The following OPRK1 variants were observed in gnomAD, a reference collection of about 807,000 sequenced individuals.
OPRK1 encodes kappa-type opioid receptor.
In OPRK1, 15 loss-of-function variants were observed where a neutral mutation model predicts 24.5. That is an observed-to-expected ratio of 0.61 (90% CI 0.41 to 0.94). OPRK1 has a LOEUF of 0.94. Ranked by LOEUF, OPRK1 falls within the 40% of genes least tolerant of loss-of-function variation. The pLI, the probability that OPRK1 is intolerant of heterozygous loss-of-function variation, is 0.00. For synonymous variants in OPRK1, 205 were observed against 198.0 expected, an observed-to-expected ratio of 1.04 and a Z score of -0.30; for missense variants, 479 against 507.3, an observed-to-expected ratio of 0.94 and a Z score of 0.54.
At position 53,250,069 on chromosome 8, in the gene OPRK1, CCACACACA is replaced by C. The variant is rs369426050; in HGVS notation, c.257+704_257+711del. Among the ~76,000 whole-genome samples the C allele has an allele frequency of 6.0e-3, 788 of 130,496 alleles. 8 individuals are homozygous for C. The highest frequency in any genetic ancestry group is 0.02 in the African/African-American group (753 of 37,972). 85.6% of individuals were successfully genotyped at this position (130,496 alleles called of 152,430 possible). ...ATTGGAAGTTGACTTGAAGAAATTT[CCACACACA>C]CACACACACACACACACACACACAA... On this transcript the variant is annotated intron_variant, in intron 2 of 3. Coordinates refer to ENST00000265572, the MANE Select transcript of OPRK1 (RefSeq NM_000912.5).
At chr8:53,247,413 A>T (rs1807257778) in intron 2 of OPRK1, among the ~76,000 whole-genome samples, 1 of 152,202 alleles carries the variant, frequency 6.6e-6, no homozygotes, top group Non-Finnish European at 1.5e-5. Context: ...TGGTAATGAT[A>T]TACCTATAGT....
intron 2 of OPRK1, among the ~76,000 whole-genome samples, chr8:53,249,567 C>T (rs185905736): frequency 3.9e-5 from 6 of 152,044 alleles, no homozygotes; most frequent in African/African-American, 7.2e-5. Context: ...ATGTGTTTGG[C>T]GACTTAAATG....
intron 2 of OPRK1, among the ~76,000 whole-genome samples, chr8:53,238,968 A>G (rs954070200): frequency 1.3e-5 from 2 of 152,186 alleles, no homozygotes; most frequent in Admixed American, 6.5e-5. Context: ...TGTTTTTTAA[A>G]TTTCAATGAT....
rs60954107 is a variant in OPRK1, at chr8:53,227,257, CAA to C, written c.*2038_*2039del. Reference sequence around the variant, plus strand: ...TGGGCAACAGAGCGAGACTCCGTCTCAAAAAAAAAAAAAAAAAAAAAGAAGAC... The same window carrying C: ...TGGGCAACAGAGCGAGACTCCGTCTCAAAAAAAAAAAAAAAAAAAGAAGAC... On this transcript the variant is annotated 3_prime_UTR_variant, in exon 4 of 4. Coordinates refer to ENST00000265572, the MANE Select transcript of OPRK1 (RefSeq NM_000912.5). 7.6e-3 allele frequency: 629 copies of C among 82,658 alleles called. 5 individuals carry two copies. Among genetic ancestry groups the C allele is most frequent in the African/African-American group, 0.018 (563 of 30,518 alleles). The allele number at this position is 82,658 out of a possible 1,614,324, so 5.1% of individuals were successfully genotyped here. A position where few individuals can be genotyped will look rare whatever the true frequency, so the allele number is the denominator to read the frequency against.
chr8:53,237,721 C>A (rs1315339287), intron 2 of OPRK1, among the ~76,000 whole-genome samples: 1 of 152,218 alleles, frequency 6.6e-6, no homozygotes, highest in Non-Finnish European at 1.5e-5. Context: ...CTCCCCAGCA[C>A]TTTGTAATTT....
At chr8:53,238,956 T>C (rs1234355635) in intron 2 of OPRK1, among the ~76,000 whole-genome samples, 3 of 152,236 alleles carry the variant, frequency 2.0e-5, no homozygotes, top group African/African-American at 7.2e-5. Context: ...AGGTTTGTTT[T>C]CTGTTTTTTA....
intron 1 of OPRK1, 120 bp downstream of exon 1, chr8:53,251,328 T>G: frequency 2.1e-6 from 1 of 465,188 alleles, no homozygotes; most frequent in Non-Finnish European, 3.8e-6. Flanking sequence ...TCACCAATTC[T>G]AGGCACCGGC....
rs375007927 is a variant in OPRK1 at position 53,234,440 on chromosome 8, G to T, written c.610+319C>A. Among the ~76,000 whole-genome samples, 27 of 152,256 alleles carry T rather than the reference G, an allele frequency of 1.8e-4. No individual in the cohort carries two copies. The East Asian group carries it at 4.1e-3, about 23-fold the overall frequency. On this transcript the variant is annotated intron_variant, in intron 3 of 3. Transcript: ENST00000265572. ...GAGTGAGAAGGTGTGTCCTGGACTT[G>T]CCAGGTTGTACTTTAAAATTCCACA...
At chr8:53,236,162 A>G (rs559844732) in intron 2 of OPRK1, among the ~76,000 whole-genome samples, 2 of 152,330 alleles carry the variant, frequency 1.3e-5, no homozygotes, top group South Asian at 4.1e-4. Flanking sequence ...TGAACATTTC[A>G]TGATAGAACA....
chr8:53,234,920 G>A lies in OPRK1; in HGVS notation c.449C>T (p.Thr150Ile). The change falls in exon 3 of 4, where the codon ACC becomes ATC. Residue 150 changes from threonine to isoleucine, a missense_variant. Coordinates refer to ENST00000265572, the MANE Select transcript of OPRK1 (RefSeq NM_000912.5). ...AATGTAGCGGTCCACGCTCATCATG[G>A]TCAAGGTGAAGATGCTGGTGAACAT... ...YNMFTSIFTL[T>I]MMSVDRYIAV... The A allele has an allele frequency of 6.2e-7, 1 of 1,614,204 alleles. No individual in the cohort carries two copies. The highest frequency in any genetic ancestry group is 8.5e-7 in the Non-Finnish European group (1 of 1,180,052).
rs764812413 is a variant in OPRK1 at position 53,229,572 on chromosome 8, T to C, written c.868A>G (p.Ile290Val). Residue 290 changes from isoleucine (I) to valine (V), a missense_variant, in exon 4 of 4, where the codon ATT becomes GTT. By Grantham distance (29) the Ile-to-Val change is conservative. Transcript: ENST00000265572. ...GCCTCCACCAGGATGAATATGTGAA[T>C]GGGAGTCCAGCAGACGACGAAGACT... ...VAVFVVCWTP[I>V]HIFILVEALG... 12 of 1,613,980 alleles carry C rather than the reference T, an allele frequency of 7.4e-6. No homozygotes were observed. In the East Asian group the frequency reaches 2.5e-4, roughly 33 times the overall value.
intron 2 of OPRK1, chr8:53,238,741 A>G (rs936307578): frequency 1.1e-4 from 107 of 984,464 alleles, no homozygotes; most frequent in Non-Finnish European, 1.3e-4. Flanking sequence ...GTCAGGAACC[A>G]GTGTCACCAG....
intron 2 of OPRK1, chr8:53,242,948 T>C: frequency 7.8e-7 from 1 of 1,286,160 alleles, no homozygotes; most frequent in Non-Finnish European, 1.0e-6. Context: ...TGTTAAGCCA[T>C]TTATAGTATT....
In OPRK1 at chr8:53,250,828, G is replaced by A. The variant is rs1030281216; in HGVS notation, c.210C>T (p.Phe70=). The A allele has an allele frequency of 2.5e-6, 4 of 1,611,620 alleles. No individual in the cohort carries two copies. Among genetic ancestry groups the A allele is most frequent in the South Asian group, 1.1e-5 (1 of 90,778 alleles). Residue 70 remains phenylalanine, a synonymous_variant, in exon 2 of 4, where the codon TTC becomes TTT. Coordinates refer to ENST00000265572, the MANE Select transcript of OPRK1 (RefSeq NM_000912.5). ...GCGAGTTGCCCACCAAGCCCACGAC[G>A]AACACTACGGAGTAGACCGCCGTGA... is the stretch of plus-strand genomic sequence containing the variant. ...VIITAVYSVV[F]VVGLVGNSLV...
chr8:53,229,374 T>C lies in OPRK1; in HGVS notation c.1066A>G (p.Ser356Gly). The part of the protein sequence containing the change: ...FPLKMRMERQ[S>G]TSRVRNTVQD... ...ACTGTATTTCGGACTCTGCTAGTGC[T>C]CTGCCGCTCCATCCTCATCTTCAGT... Residue 356 changes from serine (S) to glycine (G), a missense_variant, in exon 4 of 4, where the codon AGC becomes GGC. By Grantham distance (56) the Ser-to-Gly change is moderately conservative. Transcript: ENST00000265572. 1 of 1,614,198 alleles carries C rather than the reference T, an allele frequency of 6.2e-7. No individual in the cohort carries two copies. The highest frequency in any genetic ancestry group is 8.5e-7 in the Non-Finnish European group (1 of 1,180,046).
chr8:53,235,739 A>G (rs1434666391), intron 2 of OPRK1, among the ~76,000 whole-genome samples: 1 of 152,220 alleles, frequency 6.6e-6, no homozygotes, highest in Non-Finnish European at 1.5e-5. Flanking sequence ...TAAGCATAGT[A>G]TGGTACAGCA....
chr8:53,235,639 T>C (rs1360241142), intron 2 of OPRK1, among the ~76,000 whole-genome samples: 2 of 152,232 alleles, frequency 1.3e-5, no homozygotes, highest in African/African-American at 4.8e-5. Flanking sequence ...GGTTTGCTGA[T>C]TTTTGTTCTC....
intron 1 of OPRK1, 118 bp downstream of exon 1, chr8:53,251,330 G>C (rs1807394385): frequency 6.3e-6 from 3 of 473,358 alleles, no homozygotes; most frequent in Admixed American, 4.2e-5. Context: ...ACCAATTCTA[G>C]GCACCGGCCC....
At chr8:53,247,174 A>G (rs903392392) in intron 2 of OPRK1, among the ~76,000 whole-genome samples, 3 of 152,182 alleles carry the variant, frequency 2.0e-5, no homozygotes, top group Admixed American at 2.0e-4. Context: ...GCAGTCTAGG[A>G]TGGGGAAGAG....
Sources: allele counts gnomAD v4.1 joint callset (sites outside exome capture counted in the v4.1 genomes callset), GRCh38; gene constraint gnomAD v4.1.1; transcripts MANE v1.5; gene names NCBI Gene and HGNC (gene_info 2026-07-23, HGNC 2026-07-21).